The following RBM20 variants were observed in gnomAD, a reference collection of about 807,000 sequenced individuals.
RBM20 encodes RNA-binding protein 20.
Under a neutral mutation model 110.1 loss-of-function variants are expected in RBM20, and 51 were observed. The observed-to-expected ratio is 0.46, with a 90% CI of 0.37 to 0.59. The LOEUF (loss-of-function observed/expected upper bound fraction) is 0.59. Among genes scored for constraint, RBM20 ranks in the 20% least tolerant of loss-of-function variants. The pLI is 0.00. For missense variants in RBM20, 1,512 were observed against 1,574.9 expected, an observed-to-expected ratio of 0.96 and a Z score of 0.68; for synonymous variants, 589 against 618.2, an observed-to-expected ratio of 0.95 and a Z score of 0.70.
chr10:110,821,824 A>C lies in RBM20; in HGVS notation c.3205A>C (p.Arg1069=). ...PSPFVDDCKT[R]GTPEDGACEG... ...CCCATTTGTGGATGATTGCAAGACC[A>C]GGGGGACCCCCGAAGATGGGGCTTG... Residue 1069 remains arginine, a synonymous_variant, in exon 11 of 14, where the codon AGG becomes CGG. Transcript: ENST00000369519. The C allele has an allele frequency of 6.4e-7, 1 of 1,551,764 alleles. No individual in the cohort carries two copies. Among genetic ancestry groups the C allele is most frequent in the South Asian group, 1.2e-5 (1 of 84,062 alleles).
At chr10:110,686,003 T>C (rs1235301294) in intron 1 of RBM20, among the ~76,000 whole-genome samples, 2 of 152,174 alleles carry the variant, frequency 1.3e-5, no homozygotes, top group South Asian at 2.1e-4. Flanking sequence ...TGGGGATCAG[T>C]TTAAATGCTA....
intron 1 of RBM20, among the ~76,000 whole-genome samples, chr10:110,733,243 A>G (rs1017850689): frequency 2.6e-5 from 4 of 152,194 alleles, no homozygotes; most frequent in African/African-American, 9.7e-5. Context: ...GAGCTGGTTC[A>G]TGGTGTCTCA....
intron 1 of RBM20, among the ~76,000 whole-genome samples, chr10:110,744,430 G>A (rs1843755416): frequency 6.6e-6 from 1 of 152,162 alleles, no homozygotes; most frequent in South Asian, 2.1e-4. Context: ...AGGTGAAGGT[G>A]GGTTGATATA....
intron 1 of RBM20, among the ~76,000 whole-genome samples, chr10:110,744,607 T>C (rs967329750): frequency 6.6e-6 from 1 of 152,164 alleles, no homozygotes; most frequent in Non-Finnish European, 1.5e-5. Flanking sequence ...GCTAGTGATA[T>C]TGTGTTTGAA....
intron 9 of RBM20, among the ~76,000 whole-genome samples, chr10:110,815,504 C>A (rs1164947708): frequency 6.6e-6 from 1 of 152,146 alleles, no homozygotes; most frequent in Non-Finnish European, 1.5e-5. Context: ...AGTGTATGTG[C>A]TTGGAGGTGT....
chr10:110,825,046 T>A (rs1189621528), intron 12 of RBM20, among the ~76,000 whole-genome samples: 1 of 37,424 alleles, frequency 2.7e-5, no homozygotes, highest in Admixed American at 4.2e-4. Context: ...GCAAACTTCC[T>A]TTTTTTTTTA....
rs962374472 is a variant in RBM20 at position 110,781,065 on chromosome 10, T to C, written c.456T>C (p.Val152=). ...CTGGCCCCCACGGCCATGCTGGGGT[T>C]CCCCAACATGCTGCAGCCATACCCA... ...VITGPHGHAG[V]PQHAAAIPST... Residue 152 remains valine (V), a synonymous_variant, in exon 2 of 14, where the codon GTT becomes GTC. Transcript: ENST00000369519. 17 of 1,551,818 alleles carry C rather than the reference T, an allele frequency of 1.1e-5. No individual in the cohort carries two copies. Among genetic ancestry groups the C allele is most frequent in the Non-Finnish European group, 1.5e-5 (17 of 1,147,016 alleles).
At chr10:110,684,271 T>C (rs1025904559) in intron 1 of RBM20, among the ~76,000 whole-genome samples, 11 of 152,128 alleles carry the variant, frequency 7.2e-5, no homozygotes, top group Non-Finnish European at 5.9e-5. Flanking sequence ...GGAGCACACC[T>C]GTAGTCCCAC....
rs529739123 is a variant in RBM20 at position 110,791,153 on chromosome 10, C to G, written c.1527+6264C>G. ...AGATCCATAGCTACGGAATTTGCAA[C>G]CATTTGCTATCTGCATGATAGGTTC... On this transcript the variant is annotated intron_variant, in intron 5 of 13. Coordinates refer to ENST00000369519, the MANE Select transcript of RBM20 (RefSeq NM_001134363.3). Among the ~76,000 whole-genome samples the G allele has an allele frequency of 2.0e-5, 3 of 152,332 alleles. No individual in the cohort carries two copies. In the South Asian group the frequency reaches 6.2e-4, roughly 32 times the overall value.
intron 1 of RBM20, among the ~76,000 whole-genome samples, chr10:110,747,528 C>T (rs979028570): frequency 1.3e-5 from 2 of 152,190 alleles, no homozygotes; most frequent in Non-Finnish European, 2.9e-5. Context: ...CAGGGCTCTG[C>T]CCTTTACTAC....
chr10:110,699,028 G>A (rs1253530421), intron 1 of RBM20, among the ~76,000 whole-genome samples: 1 of 152,162 alleles, frequency 6.6e-6, no homozygotes, highest in Non-Finnish European at 1.5e-5. Context: ...ATGATAGAAT[G>A]TCAGGACCTA....
At chr10:110,766,063 T>C (rs1844077610) in intron 1 of RBM20, among the ~76,000 whole-genome samples, 1 of 152,148 alleles carries the variant, frequency 6.6e-6, no homozygotes. Flanking sequence ...TGCCTCTAAT[T>C]AGCAATGGAT....
At chr10:110,825,012 CATTTTTAT>C (rs67835180) in intron 12 of RBM20, among the ~76,000 whole-genome samples, 39,363 of 150,950 alleles carry the variant, frequency 0.26, 5,734 homozygotes, top group Non-Finnish European at 0.33. Flanking sequence ...CCAGGTGTAC[CATTTTTAT>C]AGTCAGATCT....
intron 12 of RBM20, among the ~76,000 whole-genome samples, chr10:110,826,044 G>A (rs1844976531): frequency 6.6e-6 from 1 of 152,146 alleles, no homozygotes; most frequent in South Asian, 2.1e-4. Flanking sequence ...GAGCGTCCTA[G>A]CCAGGGGGTT....
intron 1 of RBM20, among the ~76,000 whole-genome samples, chr10:110,723,029 T>G (rs1843525643): frequency 6.6e-6 from 1 of 151,786 alleles, no homozygotes; most frequent in Admixed American, 6.6e-5. Context: ...GGAGAATTGC[T>G]TGAACCCAGG....
At position 110,644,449 on chromosome 10, in the gene RBM20, C is replaced by T. The variant is rs397516589; in HGVS notation, c.-6C>T. ...TCGCCGCGATCCCGGGCGGGTCTCG[C>T]CCCGCATGGTGCTGGCAGCAGCCAT... On this transcript the variant is annotated 5_prime_UTR_variant, in exon 1 of 14. Coordinates refer to ENST00000369519, the MANE Select transcript of RBM20 (RefSeq NM_001134363.3). This position sits in a 1 kb window ranked among gnomAD's most constrained non-coding sequence, Gnocchi z 4.3. 1.5e-4 allele frequency: 217 copies of T among 1,483,238 alleles called. 1 individual carries two copies. Among genetic ancestry groups the T allele is most frequent in the Non-Finnish European group, 1.9e-4 (215 of 1,121,638 alleles). The allele number at this position is 1,483,238 out of a possible 1,614,324, so 91.9% of individuals were successfully genotyped here.
At chr10:110,801,227 G>C (rs974998456) in intron 7 of RBM20, among the ~76,000 whole-genome samples, 4 of 152,144 alleles carry the variant, frequency 2.6e-5, no homozygotes, top group Non-Finnish European at 5.9e-5. Context: ...AGGGGTTCAA[G>C]AGCAGCCTGG....
chr10:110,694,955 A>C (rs1490632273), intron 1 of RBM20, among the ~76,000 whole-genome samples: 1 of 152,124 alleles, frequency 6.6e-6, no homozygotes, highest in Admixed American at 6.5e-5. Context: ...ATACTAGCAG[A>C]GTATAGTGTC....
intron 9 of RBM20, among the ~76,000 whole-genome samples, chr10:110,817,389 A>C (rs1459760937): frequency 6.6e-6 from 1 of 152,174 alleles, no homozygotes; most frequent in African/African-American, 2.4e-5. Flanking sequence ...ACCAATCCAT[A>C]AGAGGTGAAG....
Sources: gnomAD v4.1 joint callset for allele counts (sites outside exome capture counted in the v4.1 genomes callset) on GRCh38, gnomAD v4.1.1 for gene constraint, Gnocchi (gnomAD v3.1) non-coding constraint, MANE v1.5 for transcripts, NCBI Gene and HGNC (gene_info 2026-07-23, HGNC 2026-07-21) for gene names.